DGKB: variants seen among roughly 807,000 people sequenced by gnomAD.
The protein encoded by DGKB is diacylglycerol kinase beta, also known as 90 kDa diacylglycerol kinase.
In DGKB, 67 loss-of-function variants were observed where a neutral mutation model predicts 114.3. The observed-to-expected ratio is 0.59, with a 90% CI of 0.48 to 0.72. The LOEUF is 0.72. Ranked by LOEUF, DGKB falls within the 30% of genes least tolerant of loss-of-function variation. DGKB has a pLI of 0.00. For synonymous variants in DGKB, 398 were observed against 323.1 expected (o/e 1.23, Z -2.49); for missense variants, 907 against 975.2 (o/e 0.93, Z 0.93).
intron 23 of DGKB, among the ~76,000 whole-genome samples, chr7:14,329,779 T>C (rs988745357): frequency 2.0e-5 from 3 of 152,076 alleles, no homozygotes; most frequent in African/African-American, 7.2e-5. Context: ...GGAAACTTTA[T>C]GTGTCTACTA....
chr7:14,972,224 T>G (rs1195614657), intron 1 of DGKB, among the ~76,000 whole-genome samples: 1 of 152,124 alleles, frequency 6.6e-6, no homozygotes, highest in Admixed American at 6.6e-5. Flanking sequence ...CATCATACTA[T>G]AACATAAATA....
chr7:14,205,961 A>C (rs1190796280), intron 23 of DGKB, among the ~76,000 whole-genome samples: 3 of 152,068 alleles, frequency 2.0e-5, no homozygotes, highest in East Asian at 1.9e-4. Flanking sequence ...AGAAGCAAGA[A>C]AAACTATAGA....
chr7:14,834,284 A>C lies in DGKB; in HGVS notation c.70+6910T>G, dbSNP rs376731501. On this transcript the variant is annotated intron_variant, in intron 2 of 25. Coordinates refer to ENST00000402815, the MANE Select transcript of DGKB (RefSeq NM_001350709.2). The stretch of plus-strand genomic sequence containing the variant: ...CAGTATAAACTGAGGGGATGAAATG[A>C]AAGTATAAAGAAATTGTGATGACTT... 1.6e-3 allele frequency among the ~76,000 whole-genome samples: 250 copies of C among 152,282 alleles called. 3 individuals carry two copies. In the South Asian group the frequency reaches 0.02, roughly 12 times the overall value.
At chr7:14,238,333 C>T (rs1216412953) in intron 23 of DGKB, among the ~76,000 whole-genome samples, 1 of 151,966 alleles carries the variant, frequency 6.6e-6, no homozygotes, top group African/African-American at 2.4e-5. Flanking sequence ...CTTGCTCTGA[C>T]ATGTGAAGAC....
At chr7:14,697,088 T>C (rs1224464334) in intron 8 of DGKB, among the ~76,000 whole-genome samples, 3 of 152,218 alleles carry the variant, frequency 2.0e-5, no homozygotes, top group Non-Finnish European at 4.4e-5. Flanking sequence ...TTCCCCAAAA[T>C]ATTTTTTGTG....
At chr7:14,803,742 A>G (rs1257039844) in intron 2 of DGKB, among the ~76,000 whole-genome samples, 1 of 152,114 alleles carries the variant, frequency 6.6e-6, no homozygotes, top group Non-Finnish European at 1.5e-5. Context: ...GGATAGATAA[A>G]GCTTTCTGTA....
chr7:14,642,590 A>T (rs1199618371), intron 13 of DGKB, among the ~76,000 whole-genome samples: 1 of 152,192 alleles, frequency 6.6e-6, no homozygotes, highest in Non-Finnish European at 1.5e-5. Context: ...AATAATAAAA[A>T]ATATTTTCTC....
At chr7:14,646,245 C>A (rs1161253185) in intron 13 of DGKB, among the ~76,000 whole-genome samples, 3 of 152,080 alleles carry the variant, frequency 2.0e-5, no homozygotes, top group African/African-American at 7.2e-5. Context: ...ACAAAGTAGA[C>A]TTTAAGTCAA....
At chr7:14,185,693 G>A (rs1783312570) in intron 23 of DGKB, among the ~76,000 whole-genome samples, 1 of 152,116 alleles carries the variant, frequency 6.6e-6, no homozygotes, top group Non-Finnish European at 1.5e-5. Context: ...GAACAGAATA[G>A]AGAACCCAGA....
At chr7:14,332,537 G>T (rs1233826841) in intron 23 of DGKB, among the ~76,000 whole-genome samples, 1 of 152,096 alleles carries the variant, frequency 6.6e-6, no homozygotes, top group African/African-American at 2.4e-5. Context: ...CAACATCTAA[G>T]TATCTTCTAA....
At chr7:14,859,676 G>C (rs886883147) in intron 1 of DGKB, among the ~76,000 whole-genome samples, 2 of 152,092 alleles carry the variant, frequency 1.3e-5, no homozygotes, top group African/African-American at 4.8e-5. Flanking sequence ...CCCTCTGAAA[G>C]TAACTACATT....
At chr7:14,502,690 C>T (rs1786389590) in intron 20 of DGKB, among the ~76,000 whole-genome samples, 2 of 151,936 alleles carry the variant, frequency 1.3e-5, no homozygotes, top group African/African-American at 2.4e-5. Context: ...AAATTGAGGC[C>T]TGATTTAGAT....
chr7:14,955,571 T>A (rs1323313282), intron 1 of DGKB, among the ~76,000 whole-genome samples: 1 of 152,006 alleles, frequency 6.6e-6, no homozygotes, highest in Non-Finnish European at 1.5e-5. Flanking sequence ...CTAACAGCAT[T>A]GATGTAAACG....
intron 21 of DGKB, among the ~76,000 whole-genome samples, chr7:14,423,542 C>T (rs568146700): frequency 6.6e-6 from 1 of 152,014 alleles, no homozygotes; most frequent in Non-Finnish European, 1.5e-5. Context: ...TTTTATTTAA[C>T]TGTGTAATTA....
Position 14,338,592 on chromosome 7 carries a change from T to C in DGKB, c.2045A>G (p.His682Arg). 3.1e-6 allele frequency: 5 copies of C among 1,610,612 alleles called. No individual in the cohort carries two copies. The highest frequency in any genetic ancestry group is 4.2e-6 in the Non-Finnish European group (5 of 1,178,056). ...LWGESKKRRS[H>R]RRIEKKGSDK... ...AGACCCTTTTTTCTCTATTCGTCGA[T>C]GGCTTCGTCTTTTCTTAGACTCTCC... The change falls in exon 23 of 26, where the codon CAT becomes CGT. Residue 682 changes from histidine (H) to arginine (R), a missense_variant. Physicochemically the swap from His to Arg is conservative, Grantham distance 29. Transcript: ENST00000402815.
At chr7:14,774,960 T>C (rs1837939585) in intron 2 of DGKB, among the ~76,000 whole-genome samples, 1 of 152,132 alleles carries the variant, frequency 6.6e-6, no homozygotes, top group South Asian at 2.1e-4. Flanking sequence ...TTTTTTATGA[T>C]TGTGTAATTA....
intron 2 of DGKB, among the ~76,000 whole-genome samples, chr7:14,839,497 G>A (rs1847622715): frequency 6.6e-6 from 1 of 150,638 alleles, no homozygotes; most frequent in Non-Finnish European, 1.5e-5. Flanking sequence ...AGCCTCCTGG[G>A]CTCCAGCAAT....
intron 23 of DGKB, among the ~76,000 whole-genome samples, chr7:14,334,972 G>C (rs1436197225): frequency 2.6e-5 from 4 of 152,158 alleles, no homozygotes; most frequent in African/African-American, 2.4e-5. Context: ...TACTGCATTA[G>C]TTGAGTGTGA....
intron 20 of DGKB, among the ~76,000 whole-genome samples, chr7:14,520,790 T>G (rs933669266): frequency 6.6e-6 from 1 of 152,098 alleles, no homozygotes; most frequent in Non-Finnish European, 1.5e-5. Flanking sequence ...AGAATGTGCG[T>G]TCTGCATTCA....
Sources: gnomAD v4.1 joint callset for allele counts (sites outside exome capture counted in the v4.1 genomes callset) on GRCh38, gnomAD v4.1.1 for gene constraint, MANE v1.5 for transcripts, NCBI Gene and HGNC (gene_info 2026-07-23, HGNC 2026-07-21) for gene names.